The following BICD1 variants were observed in gnomAD, a reference collection of about 807,000 sequenced individuals.
The protein encoded by BICD1 is BICD cargo adaptor 1.
In BICD1, 35 loss-of-function variants were observed where a neutral mutation model predicts 92.5. That is an observed-to-expected ratio of 0.38 (90% confidence interval 0.29 to 0.50). The LOEUF (loss-of-function observed/expected upper bound fraction) is 0.50, where lower values mean the gene tolerates loss of function less well. Ranked by LOEUF, BICD1 falls within the 20% of genes least tolerant of loss-of-function variation. The pLI is 0.93. For synonymous variants in BICD1, 429 were observed against 465.1 expected (o/e 0.92, Z 1.00); for missense variants, 950 against 1,189.8 (o/e 0.80, Z 2.97).
intron 1 of BICD1, among the ~76,000 whole-genome samples, chr12:32,153,244 G>T (rs80136083): frequency 6.6e-6 from 1 of 152,100 alleles, no homozygotes; most frequent in African/African-American, 2.4e-5. Context: ...CAAAGGACAT[G>T]ATTTTGATTT....
In BICD1 at chr12:32,166,138, AT is replaced by A. The variant is rs1555140609; in HGVS notation, c.214-50106del. ...TATTTATTTATTTATTTATTTATTTATTTATTTATTTTTTGGAGCCAGCGTT... is the reference window on the plus strand; with the variant it reads ...TATTTATTTATTTATTTATTTATTTATTATTTATTTTTTGGAGCCAGCGTT... On this transcript the variant is annotated intron_variant, in intron 1 of 9. Transcript: ENST00000652176. 6.9e-5 allele frequency among the ~76,000 whole-genome samples: 10 copies of A among 144,048 alleles called. No homozygotes were observed. In the South Asian group the frequency reaches 2.3e-3, roughly 33 times the overall value. The allele number at this position is 144,048 out of a possible 152,430, so 94.5% of individuals were successfully genotyped here. A position where few individuals can be genotyped will look rare whatever the true frequency, so the allele number is the denominator to read the frequency against.
chr12:32,236,847 C>T (rs1946086065), intron 2 of BICD1, among the ~76,000 whole-genome samples: 1 of 146,032 alleles, frequency 6.8e-6, no homozygotes, highest in African/African-American at 2.5e-5. Flanking sequence ...CCAGCCATAA[C>T]ATTCCTTTAA....
intron 2 of BICD1, among the ~76,000 whole-genome samples, chr12:32,228,896 G>A (rs186303925): frequency 1.4e-3 from 207 of 152,296 alleles, no homozygotes; most frequent in African/African-American, 4.9e-3. Context: ...TGGATGTTGA[G>A]TGAATAGTGG....
At chr12:32,206,659 A>G (rs1201476011) in intron 1 of BICD1, among the ~76,000 whole-genome samples, 1 of 152,238 alleles carries the variant, frequency 6.6e-6, no homozygotes, top group Non-Finnish European at 1.5e-5. Flanking sequence ...TATTTTGAAA[A>G]GTACTAGCCT....
At chr12:32,326,330 C>T (rs979424962) in intron 4 of BICD1, among the ~76,000 whole-genome samples, 1 of 151,918 alleles carries the variant, frequency 6.6e-6, no homozygotes, top group African/African-American at 2.4e-5. Flanking sequence ...ACTCATAATT[C>T]ATAATATTCA....
chr12:32,330,774 C>A (rs1937826040), intron 5 of BICD1, among the ~76,000 whole-genome samples: 1 of 152,076 alleles, frequency 6.6e-6, no homozygotes, highest in Admixed American at 6.6e-5. Flanking sequence ...CAAGGACATG[C>A]TATCCTGGGG....
chr12:32,150,658 C>T (rs1943261622), intron 1 of BICD1, among the ~76,000 whole-genome samples: 1 of 152,028 alleles, frequency 6.6e-6, no homozygotes, highest in African/African-American at 2.4e-5. Context: ...TGCTGTGTGG[C>T]ACAAGTTTGG....
At chr12:32,309,564 A>C (rs1387117717) in intron 4 of BICD1, among the ~76,000 whole-genome samples, 1 of 152,226 alleles carries the variant, frequency 6.6e-6, no homozygotes, top group South Asian at 2.1e-4. Flanking sequence ...AGTCAGGTGC[A>C]GTTTGGCTGC....
At chr12:32,282,467 G>A (rs1168560250) in intron 2 of BICD1, among the ~76,000 whole-genome samples, 1 of 152,046 alleles carries the variant, frequency 6.6e-6, no homozygotes, top group Non-Finnish European at 1.5e-5. Flanking sequence ...CCAACAGAAG[G>A]CCAGGGAGGG....
At chr12:32,338,758 T>C (rs1202662264) in intron 7 of BICD1, 28 bp from the exon 8 acceptor site, 1 of 1,548,832 alleles carries the variant, frequency 6.5e-7, no homozygotes, top group Admixed American at 2.2e-5. Flanking sequence ...TTGTTTCCTA[T>C]ATGTATTTTT....
chr12:32,271,291 C>T lies in BICD1; in HGVS notation c.427-22703C>T, dbSNP rs988857494. ...TCCAGCCCTCTCCCCAGTTTGGAGGCCCCCAAAATGAGGCGCTTATCTCTT... is the reference window on the plus strand; with the variant it reads ...TCCAGCCCTCTCCCCAGTTTGGAGGTCCCCAAAATGAGGCGCTTATCTCTT... On this transcript the variant is annotated intron_variant, in intron 2 of 9. Transcript: ENST00000652176. Among the ~76,000 whole-genome samples, 4 of 152,124 alleles carry T rather than the reference C, an allele frequency of 2.6e-5. No homozygotes were observed. The South Asian group carries it at 8.3e-4, about 32-fold the overall frequency.
At chr12:32,271,527 T>A (rs1947141255) in intron 2 of BICD1, among the ~76,000 whole-genome samples, 1 of 152,118 alleles carries the variant, frequency 6.6e-6, no homozygotes. Context: ...GATTATTACA[T>A]CCTTAATGTG....
At chr12:32,144,301 A>G (rs888394177) in intron 1 of BICD1, among the ~76,000 whole-genome samples, 2 of 152,198 alleles carry the variant, frequency 1.3e-5, no homozygotes, top group African/African-American at 4.8e-5. Context: ...AATTGCATAT[A>G]TAGAGGCTTG....
chr12:32,191,322 A>C (rs1332479973), intron 1 of BICD1, among the ~76,000 whole-genome samples: 1 of 152,060 alleles, frequency 6.6e-6, no homozygotes, highest in Non-Finnish European at 1.5e-5. Context: ...ATCTAGCTTT[A>C]CCAAGAAAAA....
At chr12:32,261,348 C>G (rs966188098) in intron 2 of BICD1, among the ~76,000 whole-genome samples, 1 of 152,138 alleles carries the variant, frequency 6.6e-6, no homozygotes, top group Non-Finnish European at 1.5e-5. Flanking sequence ...ATCAATTGCC[C>G]TAGGGCTGTT....
intron 1 of BICD1, among the ~76,000 whole-genome samples, chr12:32,110,993 A>T (rs2121132646): frequency 6.6e-6 from 1 of 152,258 alleles, no homozygotes; most frequent in South Asian, 2.1e-4. Context: ...ATAATAATAA[A>T]AAAAAAGAGT....
At chr12:32,238,272 G>A (rs956887195) in intron 2 of BICD1, among the ~76,000 whole-genome samples, 1 of 152,134 alleles carries the variant, frequency 6.6e-6, no homozygotes, top group Non-Finnish European at 1.5e-5. Flanking sequence ...AGTAGAGGAA[G>A]TACTCGTAAA....
intron 4 of BICD1, among the ~76,000 whole-genome samples, chr12:32,306,330 G>A (rs975635061): frequency 1.3e-5 from 2 of 151,810 alleles, no homozygotes; most frequent in South Asian, 2.1e-4. Context: ...TGCAACCTCC[G>A]CCTCCCAGGT....
At chr12:32,268,429 C>T (rs1055316744) in intron 2 of BICD1, among the ~76,000 whole-genome samples, 1 of 152,178 alleles carries the variant, frequency 6.6e-6, no homozygotes, top group Non-Finnish European at 1.5e-5. Flanking sequence ...AAAAGAAATA[C>T]ATCATTGGAT....
Sources: allele counts gnomAD v4.1 joint callset (sites outside exome capture counted in the v4.1 genomes callset), GRCh38; gene constraint gnomAD v4.1.1; transcripts MANE v1.5; gene names NCBI Gene and HGNC (gene_info 2026-07-23, HGNC 2026-07-21).